The following DNAH2 variants were observed in gnomAD, a reference collection of about 807,000 sequenced individuals.
DNAH2 encodes axonemal beta dynein heavy chain 2.
A neutral mutation model predicts 523.5 loss-of-function variants in DNAH2; 323 were observed. The ratio of observed to expected loss-of-function variants is 0.62; its 90% CI spans 0.56 to 0.68. DNAH2 has a LOEUF of 0.68. DNAH2 is among the 30% of genes least tolerant of loss of function. DNAH2 has a pLI of 0.00. For synonymous variants in DNAH2, 2,093 were observed against 2,177.4 expected (o/e 0.96, Z 1.08); for missense variants, 4,907 against 5,701.5 (o/e 0.86, Z 4.49).
rs1200009410 is a variant in DNAH2, at chr17:7,759,837, A to G, written c.2684A>G (p.Asp895Gly). 1.2e-6 allele frequency: 2 copies of G among 1,614,174 alleles called. No individual in the cohort carries two copies. Among genetic ancestry groups the G allele is most frequent in the Admixed American group, 3.3e-5 (2 of 60,010 alleles). Residue 895 changes from aspartate (D) to glycine (G), a missense_variant, in exon 17 of 86, where the codon GAC (aspartate) becomes GGC (glycine). By Grantham distance (94) the Asp-to-Gly change is moderately conservative. Transcript: ENST00000572933. ...CAGACTTTGGCAGGTGTGGTCAATG[A>G]CATTGGCAACCACCTCTTTTCCACC... is the stretch of plus-strand genomic sequence containing the variant. ...TLQTLAGVVN[D>G]IGNHLFSTIS...
At chr17:7,728,289 GTATATATC>G (rs1459580273) in intron 4 of DNAH2, among the ~76,000 whole-genome samples, 2 of 152,092 alleles carry the variant, frequency 1.3e-5, no homozygotes, top group Non-Finnish European at 1.5e-5. Context: ...GAACTTTTCT[GTATATATC>G]TTTGAAAATT....
chr17:7,772,320 C>T (rs2076339933), intron 28 of DNAH2, among the ~76,000 whole-genome samples: 1 of 152,088 alleles, frequency 6.6e-6, no homozygotes, highest in African/African-American at 2.4e-5. Flanking sequence ...TTTAATTATT[C>T]TGATAAAAGA....
chr17:7,747,153 T>A (rs2075541524), intron 12 of DNAH2, among the ~76,000 whole-genome samples: 1 of 152,102 alleles, frequency 6.6e-6, no homozygotes, highest in Admixed American at 6.5e-5. Flanking sequence ...CTTGCCTTTT[T>A]TTTTGAATGT....
rs922114232 is a variant in DNAH2 at position 7,796,462 on chromosome 17, A to T, written c.7675-2A>T. ...GGAGAGTGAGCCAGGGTCTGTTTCTAGAAGTCCCAGATCATCCGCATATTC... is the reference window on the plus strand; with the variant it reads ...GGAGAGTGAGCCAGGGTCTGTTTCTTGAAGTCCCAGATCATCCGCATATTC... On this transcript the variant is annotated splice_acceptor_variant, in intron 49 of 85. Transcript: ENST00000572933. LOFTEE classifies it high-confidence loss of function. 6.2e-7 allele frequency: 1 copy of T among 1,613,626 alleles called. No homozygotes were observed.
rs1195577079 is a variant in DNAH2 at position 7,793,544 on chromosome 17, CTTCTCTTTCT to C, written c.7569+354_7569+363del. ...TCTTTCTCTTTCTTTCTTTTTCTTT[CTTCTCTTTCT>C]TTCTCTTTCTTTCTTTCTTTTTTTC... is the stretch of plus-strand genomic sequence containing the variant. On this transcript the variant is annotated intron_variant, in intron 48 of 85. Transcript: ENST00000572933. Among the ~76,000 whole-genome samples, 171 of 125,270 alleles carry C rather than the reference CTTCTCTTTCT, an allele frequency of 1.4e-3. 1 individual carries two copies. Among genetic ancestry groups the C allele is most frequent in the African/African-American group, 4.8e-3 (157 of 32,852 alleles). 82.2% of individuals were successfully genotyped at this position (125,270 alleles called of 152,430 possible).
chr17:7,826,168 C>T (rs1158896864), intron 77 of DNAH2, among the ~76,000 whole-genome samples: 3 of 152,180 alleles, frequency 2.0e-5, no homozygotes, highest in Non-Finnish European at 2.9e-5. Flanking sequence ...TACAGGTGTG[C>T]GCCACTACGC....
chr17:7,782,906 G>A (rs1225251685), intron 39 of DNAH2, among the ~76,000 whole-genome samples: 5 of 152,018 alleles, frequency 3.3e-5, no homozygotes, highest in African/African-American at 9.7e-5. Context: ...GGAACACATC[G>A]TGAAAAGGAC....
At chr17:7,824,787 A>G in intron 77 of DNAH2, 60 bp downstream of exon 77, 2 of 1,340,964 alleles carry the variant, frequency 1.5e-6, no homozygotes, top group Non-Finnish European at 2.0e-6. Flanking sequence ...ACCTCCTGCT[A>G]GCACCAGAGA....
intron 12 of DNAH2, among the ~76,000 whole-genome samples, chr17:7,753,952 A>T (rs1305493254): frequency 6.6e-6 from 1 of 151,918 alleles, no homozygotes; most frequent in East Asian, 1.9e-4. Context: ...CATCTCAAAA[A>T]CAAACAAGCA....
intron 49 of DNAH2, among the ~76,000 whole-genome samples, 162 bp from the exon 50 acceptor site, chr17:7,796,302 G>A (rs541923265): frequency 6.6e-6 from 1 of 152,150 alleles, no homozygotes; most frequent in African/African-American, 2.4e-5. Context: ...GCCCGCCTTG[G>A]CCTCCCAAAG....
Position 7,765,551 on chromosome 17 carries a change from AT to A in DNAH2, c.3500del (p.Phe1167SerfsTer17). On this transcript the variant is annotated frameshift_variant, in exon 21 of 86. Transcript: ENST00000572933. LOFTEE classifies it high-confidence loss of function. ...AAGAAAGCACATACACTTCTGGAAG[AT>A]TTCGAATTCAAAGGTACTCCTTGAT... is the stretch of plus-strand genomic sequence containing the variant. Reference protein sequence around the residue: ...FKKKAHTLLEDFEFKGHFTSN... With the variant: ...FKKKAHTLLEXFEFKGHFTSN... 1.2e-6 allele frequency: 2 copies of A among 1,613,068 alleles called. No individual in the cohort carries two copies. Among genetic ancestry groups the A allele is most frequent in the Non-Finnish European group, 1.7e-6 (2 of 1,179,464 alleles).
rs560910272 is a variant in DNAH2, at chr17:7,827,666, G to A, written c.11854-2634G>A. ...TCACCATGTTGACCAGGCTGGTCTCGAACTTCTGACCTCAGGTGATCCACC... is the reference window on the plus strand; with the variant it reads ...TCACCATGTTGACCAGGCTGGTCTCAAACTTCTGACCTCAGGTGATCCACC... On this transcript the variant is annotated intron_variant, in intron 77 of 85. Transcript: ENST00000572933. Among the ~76,000 whole-genome samples the A allele has an allele frequency of 1.4e-4, 22 of 151,920 alleles. 1 individual carries two copies. The South Asian group carries it at 3.9e-3, about 27-fold the overall frequency.
rs750022337 is a variant in DNAH2, at chr17:7,817,450, G to A, written c.10020+35G>A. ...GACTCAGGCATGACAAGTAGGCTCCGAGACCAGGGCTGGGGGCAGGACCTT... is the reference window on the plus strand; with the variant it reads ...GACTCAGGCATGACAAGTAGGCTCCAAGACCAGGGCTGGGGGCAGGACCTT... On this transcript the variant is annotated intron_variant, in intron 65 of 85. Transcript: ENST00000572933. 1.1e-5 allele frequency: 18 copies of A among 1,613,562 alleles called. 1 individual carries two copies. Among genetic ancestry groups the A allele is most frequent in the South Asian group, 3.3e-5 (3 of 91,022 alleles).
intron 4 of DNAH2, among the ~76,000 whole-genome samples, chr17:7,730,228 A>T (rs1457183495): frequency 6.6e-6 from 1 of 152,192 alleles, no homozygotes; most frequent in Non-Finnish European, 1.5e-5. Context: ...GCAGCATGTT[A>T]TAAAACCAGT....
chr17:7,780,876 T>C lies in DNAH2; in HGVS notation c.6003+94T>C. 4 of 1,592,804 alleles carry C rather than the reference T, an allele frequency of 2.5e-6. No homozygotes were observed. Among genetic ancestry groups the C allele is most frequent in the Non-Finnish European group, 3.4e-6 (4 of 1,167,858 alleles). On this transcript the variant is annotated intron_variant, in intron 38 of 85. Coordinates refer to ENST00000572933, the MANE Select transcript of DNAH2 (RefSeq NM_020877.5). This position sits in a 1 kb window ranked among gnomAD's most constrained non-coding sequence, Gnocchi z 4.4. Reference sequence around the variant, plus strand: ...CTTTCAGACCCTTTCTTTCCTCAGATTGGGATTCTCACCTTCCCACCTCGT... The same window carrying C: ...CTTTCAGACCCTTTCTTTCCTCAGACTGGGATTCTCACCTTCCCACCTCGT...
chr17:7,810,339 ACAAGGGTGAGC>A (rs1202140625), intron 63 of DNAH2, among the ~76,000 whole-genome samples: 3 of 152,102 alleles, frequency 2.0e-5, no homozygotes, highest in African/African-American at 7.2e-5. Flanking sequence ...TGCTAGGATT[ACAAGGGTGAGC>A]CACCCCACCT....
At position 7,786,699 on chromosome 17, in the gene DNAH2, A is replaced by G. The variant is rs1370598447; in HGVS notation, c.6466+12A>G. ...GACGGCATGTGCAGGTATCCAGAGG[A>G]TCGTGGGGTGTGGAGAGCAGACGCC... On this transcript the variant is annotated intron_variant, in intron 41 of 85. Coordinates refer to ENST00000572933, the MANE Select transcript of DNAH2 (RefSeq NM_020877.5). This position sits in a 1 kb window ranked among gnomAD's most constrained non-coding sequence, Gnocchi z 7.5. 3.7e-6 allele frequency: 6 copies of G among 1,613,304 alleles called. No homozygotes were observed. Among genetic ancestry groups the G allele is most frequent in the African/African-American group, 1.3e-5 (1 of 74,972 alleles).
At chr17:7,805,886 G>A (rs1206278649) in intron 61 of DNAH2, among the ~76,000 whole-genome samples, 1 of 151,898 alleles carries the variant, frequency 6.6e-6, no homozygotes, top group African/African-American at 2.4e-5. Flanking sequence ...AGTTGTTACT[G>A]GTATTTTCTG....
chr17:7,748,443 G>A (rs1217773864), intron 12 of DNAH2, among the ~76,000 whole-genome samples: 1 of 152,132 alleles, frequency 6.6e-6, no homozygotes, highest in East Asian at 1.9e-4. Context: ...CTGACCACTT[G>A]TTTGGAGATA....
Sources: allele counts gnomAD v4.1 joint callset (sites outside exome capture counted in the v4.1 genomes callset), GRCh38; gene constraint gnomAD v4.1.1; non-coding constraint Gnocchi (gnomAD v3.1); transcripts MANE v1.5; gene names NCBI Gene and HGNC (gene_info 2026-07-23, HGNC 2026-07-21).